Variants in EP300 observed in about 807,000 individuals in gnomAD.
The protein encoded by EP300 is histone acetyltransferase p300.
Under a neutral mutation model 264.0 loss-of-function variants are expected in EP300, and 31 were observed. The observed-to-expected ratio is 0.12, with a 90% CI of 0.09 to 0.16. The LOEUF (loss-of-function observed/expected upper bound fraction) is 0.16, where lower values mean the gene tolerates loss of function less well. EP300 is among the 10% of genes least tolerant of loss of function. The pLI, the probability that EP300 is intolerant of heterozygous loss-of-function variation, is 1.00. For missense variants in EP300, 2,766 were observed against 3,052.9 expected (o/e 0.91, Z 2.21); for synonymous variants, 1,340 against 1,045.4 (o/e 1.28, Z -5.44).
intron 7 of EP300, among the ~76,000 whole-genome samples, chr22:41,137,356 CAAAAAAAAAAA>C (rs35403189): frequency 1.1e-4 from 10 of 92,912 alleles, no homozygotes; most frequent in Admixed American, 1.0e-3. Flanking sequence ...GACTTTGTCT[CAAAAAAAAAAA>C]AAAAAAAAAG....
chr22:41,155,672 A>G (rs1036031726), intron 17 of EP300, among the ~76,000 whole-genome samples: 3 of 152,180 alleles, frequency 2.0e-5, no homozygotes, highest in Admixed American at 6.5e-5. Context: ...ACCAGACTGC[A>G]TTCTGTCTCT....
intron 10 of EP300, among the ~76,000 whole-genome samples, chr22:41,142,308 C>T (rs2058987187): frequency 6.6e-6 from 1 of 152,210 alleles, no homozygotes; most frequent in Admixed American, 6.5e-5. Context: ...AGAAGTTCAT[C>T]TCTTTCATTC....
At chr22:41,099,347 G>A (rs567877187) in intron 1 of EP300, among the ~76,000 whole-genome samples, 5 of 152,174 alleles carry the variant, frequency 3.3e-5, no homozygotes, top group South Asian at 2.1e-4. Context: ...TTTGTTTTTC[G>A]TGGATATACA....
At chr22:41,142,671 G>T (rs1431212922) in intron 10 of EP300, among the ~76,000 whole-genome samples, 1 of 152,108 alleles carries the variant, frequency 6.6e-6, no homozygotes, top group African/African-American at 2.4e-5. Context: ...AGATCATGAC[G>T]TCAGGAGATG....
At chr22:41,163,359 T>A (rs374660994) in intron 21 of EP300, among the ~76,000 whole-genome samples, 1 of 120,560 alleles carries the variant, frequency 8.3e-6, no homozygotes, top group South Asian at 2.6e-4. Flanking sequence ...GGCGTGAACC[T>A]GGGAGGCGGA....
At chr22:41,150,970 AC>A (rs1279825326) in intron 14 of EP300, among the ~76,000 whole-genome samples, 1 of 152,014 alleles carries the variant, frequency 6.6e-6, no homozygotes, top group Non-Finnish European at 1.5e-5. Flanking sequence ...AGAATTATAG[AC>A]CCAGAACAAC....
intron 2 of EP300, among the ~76,000 whole-genome samples, chr22:41,122,340 A>G (rs2058857589): frequency 1.3e-5 from 2 of 151,610 alleles, no homozygotes; most frequent in African/African-American, 2.4e-5. Flanking sequence ...TAATTTTTGT[A>G]TTATTAGTAG....
At chr22:41,160,792 T>C (rs2059103954) in intron 20 of EP300, 70 bp downstream of exon 20, 1 of 1,372,852 alleles carries the variant, frequency 7.3e-7, no homozygotes, top group African/African-American at 1.4e-5. Flanking sequence ...AGCTTATTTC[T>C]AAATGAACTT....
chr22:41,173,573 A>G (rs2059183004), intron 28 of EP300, 50 bp from the exon 29 acceptor site: 1 of 1,600,904 alleles, frequency 6.2e-7, no homozygotes, highest in African/African-American at 1.3e-5. Context: ...CTATTCCCAA[A>G]TTACTTAACA....
chr22:41,093,557 G>A (rs1362534533), intron 1 of EP300, among the ~76,000 whole-genome samples: 1 of 152,156 alleles, frequency 6.6e-6, no homozygotes, highest in African/African-American at 2.4e-5. Context: ...ATTTTCTGTT[G>A]AGGAATAGGG....
At chr22:41,128,424 G>A (rs994870578) in intron 4 of EP300, among the ~76,000 whole-genome samples, 2 of 151,910 alleles carry the variant, frequency 1.3e-5, no homozygotes, top group Admixed American at 6.6e-5. Context: ...TCATACCACT[G>A]CACTCCAGCC....
Position 41,179,091 on chromosome 22 carries a change from G to T in EP300, c.*135G>T. The T allele has an allele frequency of 1.0e-6, 1 of 987,924 alleles. No individual in the cohort carries two copies. Among genetic ancestry groups the T allele is most frequent in the Non-Finnish European group, 1.5e-6 (1 of 674,018 alleles). 61.2% of individuals were successfully genotyped at this position (987,924 alleles called of 1,614,324 possible). A position where few individuals can be genotyped will look rare whatever the true frequency, so the allele number is the denominator to read the frequency against. The stretch of plus-strand genomic sequence containing the variant: ...TGGAACACATAAGAACTGTGCAGTA[G>T]CCGTTTGTGGTTTAAAGCAAACATG... On this transcript the variant is annotated 3_prime_UTR_variant, in exon 31 of 31. Transcript: ENST00000263253.
chr22:41,178,725 C>T lies in EP300; in HGVS notation c.7014C>T (p.His2338=), dbSNP rs199572356. 6 of 1,614,186 alleles carry T rather than the reference C, an allele frequency of 3.7e-6. No homozygotes were observed. The highest frequency in any genetic ancestry group is 2.2e-5 in the East Asian group (1 of 44,886). Residue 2338 remains histidine, a synonymous_variant, in exon 31 of 31, where the codon CAC becomes CAT. Coordinates refer to ENST00000263253, the MANE Select transcript of EP300 (RefSeq NM_001429.4). ...SPRMQPQPSP[H]HVSPQTSSPH... ...GGATGCAGCCTCAGCCTTCTCCACA[C>T]CACGTTTCCCCACAGACAAGTTCCC...
intron 9 of EP300, among the ~76,000 whole-genome samples, chr22:41,140,460 T>C (rs1486819432): frequency 6.6e-6 from 1 of 152,138 alleles, no homozygotes; most frequent in East Asian, 1.9e-4. Context: ...TTTTTCCTCC[T>C]AATACAGTGC....
chr22:41,110,056 G>C (rs943197350), intron 1 of EP300, among the ~76,000 whole-genome samples: 1 of 149,078 alleles, frequency 6.7e-6, no homozygotes, highest in South Asian at 2.1e-4. Flanking sequence ...TGATCTGCTC[G>C]CCTCGGCCTC....
chr22:41,136,465 C>T (rs1417614779), intron 7 of EP300, among the ~76,000 whole-genome samples: 1 of 152,180 alleles, frequency 6.6e-6, no homozygotes, highest in Non-Finnish European at 1.5e-5. Flanking sequence ...GTCCACCAGC[C>T]TGGGCAATAT....
chr22:41,125,614 T>C (rs1007529092), intron 2 of EP300, among the ~76,000 whole-genome samples: 1 of 152,168 alleles, frequency 6.6e-6, no homozygotes, highest in East Asian at 1.9e-4. Context: ...CCTCCCAGGC[T>C]TCACTGATAA....
rs2145515376 is a variant in EP300, at chr22:41,176,999, G to A, written c.5288G>A (p.Arg1763Gln). 2.5e-6 allele frequency: 4 copies of A among 1,614,148 alleles called. No individual in the cohort carries two copies. Among genetic ancestry groups the A allele is most frequent in the Admixed American group, 1.7e-5 (1 of 60,012 alleles). Residue 1763 changes from arginine to glutamine, a missense_variant, in exon 31 of 31, where the codon CGG becomes CAG. Physicochemically the swap from Arg to Gln is conservative, Grantham distance 43. Coordinates refer to ENST00000263253, the MANE Select transcript of EP300 (RefSeq NM_001429.4). ...CSLPSCQKMK[R>Q]VVQHTKGCKR... ...CTGCCATCCTGCCAGAAGATGAAGC[G>A]GGTTGTGCAGCATACCAAGGGTTGC...
intron 10 of EP300, among the ~76,000 whole-genome samples, chr22:41,142,477 GA>G (rs1336009027): frequency 1.3e-5 from 2 of 152,080 alleles, no homozygotes; most frequent in Non-Finnish European, 2.9e-5. Flanking sequence ...CAATAGTAAG[GA>G]AAAACACAGA....
Sources: gnomAD v4.1 joint callset for allele counts (sites outside exome capture counted in the v4.1 genomes callset) on GRCh38, gnomAD v4.1.1 for gene constraint, MANE v1.5 for transcripts, NCBI Gene and HGNC (gene_info 2026-07-23, HGNC 2026-07-21) for gene names.